Variants in SPAG16 observed in about 807,000 individuals in gnomAD.
The protein encoded by SPAG16 is sperm associated antigen 16.
A neutral mutation model predicts 80.4 loss-of-function variants in SPAG16; 86 were observed. That is an observed-to-expected ratio of 1.07 (90% CI 0.90 to 1.28). The LOEUF (loss-of-function observed/expected upper bound fraction) is 1.28. Ranked by LOEUF, SPAG16 falls within the 50% of genes most tolerant of loss-of-function variation. SPAG16 has a pLI of 0.00. For missense variants in SPAG16, 870 were observed against 765.3 expected, an observed-to-expected ratio of 1.14 and a Z score of -1.61; for synonymous variants, 294 against 265.9, an observed-to-expected ratio of 1.11 and a Z score of -1.03.
intron 15 of SPAG16, among the ~76,000 whole-genome samples, chr2:214,186,090 T>C (rs1446346256): frequency 1.3e-5 from 2 of 152,160 alleles, no homozygotes; most frequent in African/African-American, 4.8e-5. Context: ...GAATATGAGC[T>C]GAAAATTAAA....
chr2:214,410,064 C>A, intron 15 of SPAG16, 76 bp from the exon 16 acceptor site: 16 of 1,516,600 alleles, frequency 1.1e-5, no homozygotes, highest in Non-Finnish European at 1.5e-5. Context: ...TAGAATGCTT[C>A]ATTGCTTATA....
chr2:214,006,923 T>C (rs1182592886), intron 12 of SPAG16, among the ~76,000 whole-genome samples: 5 of 152,332 alleles, frequency 3.3e-5, no homozygotes, highest in Non-Finnish European at 5.9e-5. Flanking sequence ...AGCTGTAATA[T>C]ATCATTGAAG....
At chr2:213,959,665 C>T (rs1198962481) in intron 12 of SPAG16, among the ~76,000 whole-genome samples, 1 of 152,192 alleles carries the variant, frequency 6.6e-6, no homozygotes, top group East Asian at 1.9e-4. Context: ...CTCTCCTGCT[C>T]CTCACCCTCT....
At chr2:213,742,498 TACCTC>T (rs905614867) in intron 10 of SPAG16, among the ~76,000 whole-genome samples, 15 of 151,976 alleles carry the variant, frequency 9.9e-5, no homozygotes, top group Admixed American at 9.2e-4. Context: ...AAATTATAAA[TACCTC>T]TACAGGTACA....
intron 13 of SPAG16, among the ~76,000 whole-genome samples, chr2:214,017,212 G>A (rs1475938934): frequency 1.3e-5 from 2 of 152,032 alleles, no homozygotes; most frequent in Non-Finnish European, 2.9e-5. Flanking sequence ...ATGATTTTTT[G>A]TTAGGTACAA....
At chr2:213,417,912 C>T (rs1292009873) in intron 9 of SPAG16, among the ~76,000 whole-genome samples, 1 of 146,768 alleles carries the variant, frequency 6.8e-6, no homozygotes, top group African/African-American at 2.6e-5. Flanking sequence ...GCTCTTGTTG[C>T]CCAGGTTGGA....
At position 213,711,269 on chromosome 2, in the gene SPAG16, A is replaced by G. The variant is rs184234270; in HGVS notation, c.1071-151216A>G. On this transcript the variant is annotated intron_variant, in intron 10 of 15. Transcript: ENST00000331683. The stretch of plus-strand genomic sequence containing the variant: ...AATTGTTATGGCAAAAATTTTTTTT[A>G]ATATCATGGTGAATACATGTTGATG... Among the ~76,000 whole-genome samples, 234 of 152,168 alleles carry G rather than the reference A, an allele frequency of 1.5e-3. 2 individuals carry two copies. Among genetic ancestry groups the G allele is most frequent in the South Asian group, 5.8e-3 (28 of 4,826 alleles).
intron 10 of SPAG16, among the ~76,000 whole-genome samples, chr2:213,677,840 G>A (rs969624112): frequency 3.3e-5 from 5 of 152,068 alleles, no homozygotes; most frequent in African/African-American, 1.2e-4. Flanking sequence ...ACACCACACC[G>A]ATTCCAAAAT....
intron 11 of SPAG16, among the ~76,000 whole-genome samples, chr2:213,864,592 A>G (rs1443100353): frequency 2.0e-5 from 3 of 151,940 alleles, no homozygotes; most frequent in Non-Finnish European, 4.4e-5. Flanking sequence ...AGACACATAT[A>G]CTTTTTCTTA....
intron 11 of SPAG16, among the ~76,000 whole-genome samples, chr2:213,889,836 T>G (rs1362368125): frequency 1.3e-5 from 2 of 151,512 alleles, no homozygotes; most frequent in African/African-American, 4.8e-5. Flanking sequence ...GGGAAGCCTC[T>G]AATCAACTAA....
At chr2:214,304,524 T>C (rs1694782870) in intron 15 of SPAG16, among the ~76,000 whole-genome samples, 1 of 152,216 alleles carries the variant, frequency 6.6e-6, no homozygotes, top group African/African-American at 2.4e-5. Context: ...TGATCTAATA[T>C]CTATAGAAAC....
intron 15 of SPAG16, among the ~76,000 whole-genome samples, chr2:214,341,097 A>C (rs754184426): frequency 6.6e-6 from 1 of 152,204 alleles, no homozygotes; most frequent in African/African-American, 2.4e-5. Context: ...ATTTTTTTGC[A>C]TAGTGCCTAA....
At chr2:214,287,446 C>T (rs1693447678) in intron 15 of SPAG16, among the ~76,000 whole-genome samples, 1 of 152,146 alleles carries the variant, frequency 6.6e-6, no homozygotes, top group African/African-American at 2.4e-5. Context: ...TTAAATGAAT[C>T]CAAAGAGATT....
chr2:213,439,833 A>G (rs2070835056), intron 9 of SPAG16, among the ~76,000 whole-genome samples: 1 of 152,234 alleles, frequency 6.6e-6, no homozygotes, highest in African/African-American at 2.4e-5. Context: ...AACAAAATCC[A>G]ATTATACACT....
intron 15 of SPAG16, among the ~76,000 whole-genome samples, chr2:214,380,014 T>C (rs1183976383): frequency 6.6e-6 from 1 of 152,176 alleles, no homozygotes; most frequent in African/African-American, 2.4e-5. Context: ...GCACACTGCA[T>C]TGTATACACA....
At chr2:214,235,519 C>T (rs1689014335) in intron 15 of SPAG16, among the ~76,000 whole-genome samples, 1 of 152,066 alleles carries the variant, frequency 6.6e-6, no homozygotes, top group Non-Finnish European at 1.5e-5. Flanking sequence ...CCACTAAACA[C>T]CTACAGCTTT....
At chr2:213,643,078 T>C (rs1245811823) in intron 10 of SPAG16, among the ~76,000 whole-genome samples, 2 of 150,138 alleles carry the variant, frequency 1.3e-5, no homozygotes, top group African/African-American at 4.9e-5. Flanking sequence ...TATATATATA[T>C]ATATCCATTA....
At chr2:213,977,783 T>C (rs2045495526) in intron 12 of SPAG16, among the ~76,000 whole-genome samples, 1 of 152,134 alleles carries the variant, frequency 6.6e-6, no homozygotes, top group South Asian at 2.1e-4. Context: ...GTACTGTCAC[T>C]GTTCTTTTCA....
intron 10 of SPAG16, among the ~76,000 whole-genome samples, chr2:213,847,701 A>G (rs1016864361): frequency 2.0e-5 from 3 of 152,182 alleles, no homozygotes; most frequent in Non-Finnish European, 2.9e-5. Context: ...TTATGCCTAC[A>G]TAAGTTAGGT....
Sources: gnomAD v4.1 joint callset for allele counts (sites outside exome capture counted in the v4.1 genomes callset) on GRCh38, gnomAD v4.1.1 for gene constraint, MANE v1.5 for transcripts, NCBI Gene and HGNC (gene_info 2026-07-23, HGNC 2026-07-21) for gene names.